Variants in LPP observed in about 807,000 individuals in gnomAD.
LPP encodes LIM domain containing preferred translocation partner in lipoma.
In LPP, 38 loss-of-function variants were observed where a neutral mutation model predicts 60.4. The ratio of observed to expected loss-of-function variants is 0.63; its 90% CI spans 0.49 to 0.83. LPP has a LOEUF of 0.83. Among genes scored for constraint, LPP ranks in the 40% least tolerant of loss-of-function variants. The probability of loss-of-function intolerance (pLI) is 0.00; values close to 1 mark genes in which losing one functional copy is unlikely to be tolerated. For synonymous variants in LPP, 328 were observed against 290.8 expected (o/e 1.13, Z -1.30); for missense variants, 902 against 783.6 (o/e 1.15, Z -1.80).
At chr3:188,782,081 A>C (rs1163850770) in intron 9 of LPP, among the ~76,000 whole-genome samples, 1 of 152,114 alleles carries the variant, frequency 6.6e-6, no homozygotes, top group Non-Finnish European at 1.5e-5. Context: ...ATATGCTTGT[A>C]CCAAAGCCCA....
Position 188,708,490 on chromosome 3 carries a change from T to A in LPP, c.1240+97T>A, listed in dbSNP as rs770080343. The A allele has an allele frequency of 1.3e-5, 20 of 1,538,034 alleles. No homozygotes were observed. In the South Asian group the frequency reaches 2.2e-4, roughly 17 times the overall value. ...ATTATCAGCTCCACTGGTAAAGTAT[T>A]TGAGTCCAGATGCATGAGAGTTGAT... On this transcript the variant is annotated intron_variant, in intron 8 of 11. Coordinates refer to ENST00000617246, the MANE Select transcript of LPP (RefSeq NM_001375462.1).
chr3:188,829,978 C>T (rs969106537), intron 9 of LPP, among the ~76,000 whole-genome samples: 1 of 148,180 alleles, frequency 6.7e-6, no homozygotes, highest in Non-Finnish European at 1.5e-5. Context: ...TTCAGACCAG[C>T]GTGGACAACA....
intron 10 of LPP, among the ~76,000 whole-genome samples, chr3:188,870,145 T>C (rs1169993151): frequency 6.6e-6 from 1 of 152,022 alleles, no homozygotes. Context: ...CATATGTGTG[T>C]GTGTGTATAT....
At chr3:188,714,447 C>T (rs886421232) in intron 8 of LPP, among the ~76,000 whole-genome samples, 2 of 152,170 alleles carry the variant, frequency 1.3e-5, no homozygotes, top group African/African-American at 4.8e-5. Flanking sequence ...GAATACCTAC[C>T]TATCAGCCAT....
chr3:188,738,728 A>G (rs896296023), intron 8 of LPP, among the ~76,000 whole-genome samples: 1 of 152,080 alleles, frequency 6.6e-6, no homozygotes, highest in African/African-American at 2.4e-5. Flanking sequence ...CCCTGGTGCT[A>G]TGTGTATTTG....
chr3:188,252,761 C>T (rs1299306568), intron 2 of LPP, among the ~76,000 whole-genome samples: 1 of 151,844 alleles, frequency 6.6e-6, no homozygotes, highest in Admixed American at 6.6e-5. Flanking sequence ...TGTCTTTTGC[C>T]CATTTTAAAA....
At position 188,609,401 on chromosome 3, in the gene LPP, C is replaced by A. The variant is rs1241222629; in HGVS notation, c.670C>A (p.Gln224Lys). 2 of 1,614,072 alleles carry A rather than the reference C, an allele frequency of 1.2e-6. No homozygotes were observed. Among genetic ancestry groups the A allele is most frequent in the East Asian group, 4.5e-5 (2 of 44,880 alleles). The change falls in exon 7 of 12, where the codon CAG becomes AAG. Residue 224 changes from glutamine (Q) to lysine (K), a missense_variant. Gln to Lys is a moderately conservative substitution (Grantham distance 53). Coordinates refer to ENST00000617246, the MANE Select transcript of LPP (RefSeq NM_001375462.1). This position sits in a 1 kb window ranked among gnomAD's most constrained non-coding sequence, Gnocchi z 6.9. Reference protein sequence around the residue: ...STSSRPTFNVQVKSAQPSPHY... With the variant: ...STSSRPTFNVKVKSAQPSPHY... ...TTCTTCAAGGCCTACCTTTAATGTG[C>A]AGGTGAAGTCAGCCCAGCCCAGCCC...
chr3:188,381,573 A>G (rs1375269809), intron 3 of LPP, among the ~76,000 whole-genome samples: 1 of 152,238 alleles, frequency 6.6e-6, no homozygotes, highest in Non-Finnish European at 1.5e-5. Flanking sequence ...TTACACTGGT[A>G]CACAGGAGTA....
chr3:188,765,861 C>CTT (rs71169019), intron 9 of LPP, among the ~76,000 whole-genome samples: 18,244 of 92,552 alleles, frequency 0.2, 3,730 homozygotes, highest in Middle Eastern at 0.27. Context: ...ATGTTCAACT[C>CTT]TTTTTTTTTT....
At chr3:188,751,957 C>CT (rs2150329789) in intron 8 of LPP, among the ~76,000 whole-genome samples, 1 of 152,286 alleles carries the variant, frequency 6.6e-6, no homozygotes, top group African/African-American at 2.4e-5. Context: ...TCTTAACCAA[C>CT]TGCCTCAGAG....
chr3:188,255,931 T>G (rs1731516093), intron 2 of LPP, among the ~76,000 whole-genome samples: 1 of 152,212 alleles, frequency 6.6e-6, no homozygotes, highest in South Asian at 2.1e-4. Flanking sequence ...TCACACTGGT[T>G]ACCGTCATAC....
chr3:188,706,758 T>C (rs1019668224), intron 7 of LPP, among the ~76,000 whole-genome samples: 3 of 152,178 alleles, frequency 2.0e-5, no homozygotes, highest in African/African-American at 7.2e-5. Context: ...TTTGTTGAAC[T>C]TACTCTTGTA....
chr3:188,614,555 T>G (rs1173912630), intron 7 of LPP, among the ~76,000 whole-genome samples: 1 of 152,170 alleles, frequency 6.6e-6, no homozygotes, highest in Non-Finnish European at 1.5e-5. Context: ...AAATCCATGA[T>G]CATTAAGCCC....
Position 188,449,324 on chromosome 3 carries a change from CCTT to C in LPP, c.194-35263_194-35261del, listed in dbSNP as rs140848594. 9.1e-3 allele frequency among the ~76,000 whole-genome samples: 1,385 copies of C among 152,230 alleles called. 22 individuals are homozygous for C. Among genetic ancestry groups the C allele is most frequent in the African/African-American group, 0.032 (1,337 of 41,510 alleles). ...TTCTTTTCTTTTCCTCATCCTTTCT[CCTT>C]CTTCCATTCTCCCTTCCACCTCACA... On this transcript the variant is annotated intron_variant, in intron 4 of 11. Transcript: ENST00000617246.
Position 188,632,003 on chromosome 3 carries a change from A to T in LPP, c.1113+22159A>T, listed in dbSNP as rs187764687. 3.5e-4 allele frequency among the ~76,000 whole-genome samples: 54 copies of T among 152,186 alleles called. No homozygotes were observed. The East Asian group carries it at 4.8e-3, about 14-fold the overall frequency. ...ACATACAGCTTGGTCCCCTCCCAAG[A>T]CCTTAGTAGGGGCCAGTGTACATGA... On this transcript the variant is annotated intron_variant, in intron 7 of 11. Coordinates refer to ENST00000617246, the MANE Select transcript of LPP (RefSeq NM_001375462.1).
chr3:188,525,576 T>C (rs1411879556), intron 6 of LPP, among the ~76,000 whole-genome samples: 1 of 152,212 alleles, frequency 6.6e-6, no homozygotes, highest in African/African-American at 2.4e-5. Flanking sequence ...ATTAGTTTTG[T>C]TGGATATTAA....
At chr3:188,838,729 C>T (rs568130921) in intron 9 of LPP, among the ~76,000 whole-genome samples, 5 of 152,226 alleles carry the variant, frequency 3.3e-5, no homozygotes, top group African/African-American at 1.2e-4. Context: ...AGCTAGAAGC[C>T]ATCATCCTCA....
chr3:188,569,339 A>G (rs1832968982), intron 6 of LPP, among the ~76,000 whole-genome samples: 1 of 151,876 alleles, frequency 6.6e-6, no homozygotes, highest in Admixed American at 6.6e-5. Context: ...AATGAGAAGC[A>G]TGCTTTAGAA....
At chr3:188,822,604 C>T (rs1754291451) in intron 9 of LPP, among the ~76,000 whole-genome samples, 1 of 152,152 alleles carries the variant, frequency 6.6e-6, no homozygotes, top group African/African-American at 2.4e-5. Flanking sequence ...TGATGCCATG[C>T]TCATTTGATA....
Sources: gnomAD v4.1 joint callset for allele counts (sites outside exome capture counted in the v4.1 genomes callset) on GRCh38, gnomAD v4.1.1 for gene constraint, Gnocchi (gnomAD v3.1) non-coding constraint, MANE v1.5 for transcripts, NCBI Gene and HGNC (gene_info 2026-07-23, HGNC 2026-07-21) for gene names.